FMN1: variants seen among roughly 807,000 people sequenced by gnomAD.
FMN1 encodes the protein formin-1.
In FMN1, 110 loss-of-function variants were observed where a neutral mutation model predicts 132.4. That is an observed-to-expected ratio of 0.83 (90% CI 0.71 to 0.97). The LOEUF is 0.97. Among genes scored for constraint, FMN1 ranks in the 50% least tolerant of loss-of-function variants. FMN1 has a pLI of 0.00. For synonymous variants in FMN1, 722 were observed against 651.7 expected, an observed-to-expected ratio of 1.11 and a Z score of -1.64; for missense variants, 1,792 against 1,705.3, an observed-to-expected ratio of 1.05 and a Z score of -0.90.
At chr15:33,012,108 C>A (rs988034370) in intron 6 of FMN1, 10 of 420,812 alleles carry the variant, frequency 2.4e-5, no homozygotes, top group African/African-American at 6.1e-5. Flanking sequence ...GTCTCTCTTC[C>A]CACTGCTGTC....
intron 6 of FMN1, among the ~76,000 whole-genome samples, chr15:33,019,816 G>A (rs967638118): frequency 2.0e-5 from 3 of 152,170 alleles, no homozygotes; most frequent in African/African-American, 4.8e-5. Context: ...TAGCTGGCCC[G>A]CAAGCACCGC....
chr15:32,832,813 A>G (rs1188241945), intron 17 of FMN1, among the ~76,000 whole-genome samples: 1 of 152,062 alleles, frequency 6.6e-6, no homozygotes, highest in Non-Finnish European at 1.5e-5. Context: ...CTGATAATCC[A>G]AGGCCTGATG....
chr15:33,117,334 T>G (rs2039967006), intron 4 of FMN1, among the ~76,000 whole-genome samples: 1 of 152,118 alleles, frequency 6.6e-6, no homozygotes, highest in African/African-American at 2.4e-5. Context: ...CACATCTCCT[T>G]AAGAGTAATC....
chr15:33,035,340 C>T (rs541520397), intron 6 of FMN1, among the ~76,000 whole-genome samples: 56 of 152,244 alleles, frequency 3.7e-4, no homozygotes, highest in Non-Finnish European at 3.1e-4. Flanking sequence ...TAGTTAGCTA[C>T]GATTAAAATA....
intron 9 of FMN1, among the ~76,000 whole-genome samples, chr15:32,950,168 T>C (rs2140494441): frequency 6.8e-6 from 1 of 147,370 alleles, no homozygotes; most frequent in East Asian, 2.0e-4. Context: ...GAATGGCTAT[T>C]ATTAAAAAGT....
intron 17 of FMN1, among the ~76,000 whole-genome samples, chr15:32,814,633 G>C (rs910695351): frequency 6.6e-6 from 1 of 152,146 alleles, no homozygotes; most frequent in African/African-American, 2.4e-5. Context: ...CAATCACAAG[G>C]CTCTGGATAA....
At chr15:33,187,648 G>C (rs143792608) in intron 2 of FMN1, among the ~76,000 whole-genome samples, 144 of 152,304 alleles carry the variant, frequency 9.5e-4, no homozygotes, top group African/African-American at 3.4e-3. Context: ...CAGAATTACT[G>C]GGTGCTACAG....
intron 17 of FMN1, among the ~76,000 whole-genome samples, chr15:32,842,885 G>A (rs1008730099): frequency 1.3e-5 from 2 of 150,878 alleles, no homozygotes; most frequent in Non-Finnish European, 2.9e-5. Context: ...TAACACTTTG[G>A]GAGGCCAAGG....
rs1485766945 is a variant in FMN1, at chr15:32,772,411, AT to A, written c.*1898del. 5 of 152,252 alleles carry A rather than the reference AT, an allele frequency of 3.3e-5. No homozygotes were observed. The highest frequency in any genetic ancestry group is 1.2e-4 in the African/African-American group (5 of 41,464). The allele number at this position is 152,252 out of a possible 1,614,324, so 9.4% of individuals were successfully genotyped here. On this transcript the variant is annotated 3_prime_UTR_variant, in exon 21 of 21. Transcript: ENST00000616417. ...GGTAAAACTGGCACTTTTCTTGTGC[AT>A]GATAACACTAGAAGGAGCATACAAT...
chr15:32,981,095 G>A (rs1286989521), intron 7 of FMN1, among the ~76,000 whole-genome samples: 2 of 151,600 alleles, frequency 1.3e-5, no homozygotes, highest in South Asian at 2.1e-4. Flanking sequence ...TCAAACCCTG[G>A]GATTTTAAAA....
intron 16 of FMN1, among the ~76,000 whole-genome samples, chr15:32,882,293 T>G (rs1186528979): frequency 6.6e-6 from 1 of 152,234 alleles, no homozygotes; most frequent in Non-Finnish European, 1.5e-5. Flanking sequence ...CTGTTTCAAA[T>G]TTCAGCTTTG....
chr15:33,137,632 CCA>C (rs1963828687), intron 4 of FMN1, among the ~76,000 whole-genome samples: 2 of 152,150 alleles, frequency 1.3e-5, no homozygotes. Flanking sequence ...ACTTTTCCTA[CCA>C]CCACCGGACA....
At chr15:32,824,531 T>C (rs1298122498) in intron 17 of FMN1, among the ~76,000 whole-genome samples, 1 of 152,188 alleles carries the variant, frequency 6.6e-6, no homozygotes, top group Non-Finnish European at 1.5e-5. Context: ...CTTGCTCTGT[T>C]CCCGCCACTG....
Position 33,069,993 on chromosome 15 carries a change from C to CTCT in FMN1, c.2044-4920_2044-4919insAGA, listed in dbSNP as rs398026774. On this transcript the variant is annotated intron_variant, in intron 5 of 20. Coordinates refer to ENST00000616417, the MANE Select transcript of FMN1 (RefSeq NM_001277313.2). ...AACAGATCATAAGATCAGTCTTTCT[C>CTCT]TTTTTTTTTTTTTTTTTTTTTTTTT... Among the ~76,000 whole-genome samples, 581 of 74,324 alleles carry CTCT rather than the reference C, an allele frequency of 7.8e-3. 52 individuals are homozygous for CTCT. Among genetic ancestry groups the CTCT allele is most frequent in the Non-Finnish European group, 0.01 (426 of 40,632 alleles). The allele number at this position is 74,324 out of a possible 152,430, so 48.8% of individuals were successfully genotyped here. A position where few individuals can be genotyped will look rare whatever the true frequency, so the allele number is the denominator to read the frequency against.
At chr15:32,878,920 C>T (rs2059700025) in intron 16 of FMN1, among the ~76,000 whole-genome samples, 1 of 152,038 alleles carries the variant, frequency 6.6e-6, no homozygotes, top group African/African-American at 2.4e-5. Flanking sequence ...AGGAGGAAAC[C>T]AGGACAACAT....
At chr15:32,947,387 T>C (rs1242221157) in intron 9 of FMN1, among the ~76,000 whole-genome samples, 2 of 152,114 alleles carry the variant, frequency 1.3e-5, no homozygotes, top group Non-Finnish European at 2.9e-5. Flanking sequence ...ATTTAGTTTT[T>C]CCTGTGACAA....
intron 4 of FMN1, among the ~76,000 whole-genome samples, chr15:33,113,949 G>A (rs71462848): frequency 0.036 from 5,448 of 152,248 alleles, 155 homozygotes; most frequent in Middle Eastern, 0.054. Context: ...CAGATCCTTA[G>A]CCACCTACCT....
At chr15:32,985,420 G>C (rs1195671179) in intron 7 of FMN1, among the ~76,000 whole-genome samples, 1 of 151,994 alleles carries the variant, frequency 6.6e-6, no homozygotes, top group African/African-American at 2.4e-5. Context: ...TTTGTTCACT[G>C]ATGTATCACT....
chr15:32,984,978 C>CAAAAAAAAAAAAAAAAAAAAAAAAAAAAA (rs11330959), intron 7 of FMN1, among the ~76,000 whole-genome samples: 32 of 97,228 alleles, frequency 3.3e-4, no homozygotes, highest in African/African-American at 6.6e-4. Context: ...CATCCATCAC[C>CAAAAAAAAAAAAAAAAAAAAAAAAAAAAA]AAAAAAAAAA....
Sources: allele counts gnomAD v4.1 joint callset (sites outside exome capture counted in the v4.1 genomes callset), GRCh38; gene constraint gnomAD v4.1.1; transcripts MANE v1.5; gene names NCBI Gene and HGNC (gene_info 2026-07-23, HGNC 2026-07-21).